DNAJC1: variants seen among roughly 807,000 people sequenced by gnomAD.
DNAJC1 encodes dnaJ homolog subfamily C member 1.
Under a neutral mutation model 76.6 loss-of-function variants are expected in DNAJC1, and 58 were observed. The observed-to-expected ratio is 0.76, with a 90% CI of 0.61 to 0.94. DNAJC1 has a LOEUF of 0.94. Ranked by LOEUF, DNAJC1 falls within the 40% of genes least tolerant of loss-of-function variation. The probability of loss-of-function intolerance (pLI) is 0.00; values close to 1 mark genes in which losing one functional copy is unlikely to be tolerated. For synonymous variants in DNAJC1, 258 were observed against 267.9 expected (o/e 0.96, Z 0.36); for missense variants, 689 against 677.3 (o/e 1.02, Z -0.19).
At chr10:21,839,278 C>CA (rs1348813351) in intron 8 of DNAJC1, among the ~76,000 whole-genome samples, 11 of 152,008 alleles carry the variant, frequency 7.2e-5, no homozygotes, top group African/African-American at 1.9e-4. Context: ...AATAGAGACA[C>CA]AAAAAATCCT....
intron 8 of DNAJC1, among the ~76,000 whole-genome samples, chr10:21,840,372 TCTC>T (rs1186127327): frequency 1.3e-5 from 2 of 152,130 alleles, no homozygotes; most frequent in African/African-American, 4.8e-5. Context: ...CGGCCCAAAA[TCTC>T]CTCAAGCTGA....
intron 9 of DNAJC1, among the ~76,000 whole-genome samples, chr10:21,803,589 CTGTGTGTGTGTG>C (rs113615504): frequency 2.1e-5 from 3 of 140,736 alleles, no homozygotes; most frequent in South Asian, 2.3e-4. Flanking sequence ...GAGTGATTTT[CTGTGTGTGTGTG>C]TGTGTGTGTG....
chr10:21,962,756 A>G (rs1837820762), intron 1 of DNAJC1, among the ~76,000 whole-genome samples: 1 of 149,234 alleles, frequency 6.7e-6, no homozygotes, highest in Non-Finnish European at 1.5e-5. Context: ...TGCATTTAGC[A>G]TTGAAAATCA....
At chr10:21,977,077 T>A (rs143222672) in intron 1 of DNAJC1, among the ~76,000 whole-genome samples, 125 of 152,276 alleles carry the variant, frequency 8.2e-4, no homozygotes, top group African/African-American at 2.6e-3. Flanking sequence ...TACTAAGGCT[T>A]CTTTGTACGT....
chr10:21,952,837 G>A (rs1396960484), intron 1 of DNAJC1, among the ~76,000 whole-genome samples: 3 of 152,144 alleles, frequency 2.0e-5, no homozygotes, highest in Non-Finnish European at 2.9e-5. Flanking sequence ...CTAGGTTCAA[G>A]CAATCCTCCC....
chr10:21,940,530 TAAG>T (rs1590058749), intron 1 of DNAJC1, among the ~76,000 whole-genome samples: 2 of 152,272 alleles, frequency 1.3e-5, no homozygotes, highest in East Asian at 3.9e-4. Context: ...TCTTGACAAA[TAAG>T]AAAATAATTT....
chr10:21,806,251 T>C (rs1834881637), intron 8 of DNAJC1, 152 bp from the exon 9 acceptor site: 2 of 869,756 alleles, frequency 2.3e-6, no homozygotes, highest in East Asian at 2.7e-5. Flanking sequence ...TTGTATCTAA[T>C]AGTTTCAATA....
intron 1 of DNAJC1, among the ~76,000 whole-genome samples, chr10:21,947,573 G>A (rs143515674): frequency 0.016 from 2,429 of 152,170 alleles, 34 homozygotes; most frequent in Non-Finnish European, 0.024. Context: ...TACATATAAC[G>A]TGTTAATTGT....
In DNAJC1 at chr10:21,759,306, T is replaced by C; in HGVS notation, c.1460A>G (p.Lys487Arg). 6.2e-7 allele frequency: 1 copy of C among 1,614,224 alleles called. No individual in the cohort carries two copies. Among genetic ancestry groups the C allele is most frequent in the Non-Finnish European group, 8.5e-7 (1 of 1,180,034 alleles). Residue 487 changes from lysine to arginine, a missense_variant, in exon 11 of 12, where the codon AAA becomes AGA. Physicochemically the swap from Lys to Arg is conservative, Grantham distance 26 (BLOSUM62 2). Coordinates refer to ENST00000376980, the MANE Select transcript of DNAJC1 (RefSeq NM_022365.4). Reference sequence around the variant, plus strand: ...CTCCTCTGCAGACCGAGCTCTCTCTTTTCTCAGGCTCTCCTCGTCGCTGGA... The same window carrying C: ...CTCCTCTGCAGACCGAGCTCTCTCTCTTCTCAGGCTCTCCTCGTCGCTGGA... ...NESSDEESLR[K>R]ERARSAEEPW...
rs1429581567 is a variant in DNAJC1, at chr10:21,813,244, A to ATATATATATATG, written c.979-7146_979-7145insCATATATATATA. Among the ~76,000 whole-genome samples, 60 of 122,892 alleles carry ATATATATATATG rather than the reference A, an allele frequency of 4.9e-4. 11 individuals are homozygous for ATATATATATATG. The highest frequency in any genetic ancestry group is 2.3e-3 in the African/African-American group (56 of 24,750). 80.6% of individuals were successfully genotyped at this position (122,892 alleles called of 152,430 possible). On this transcript the variant is annotated intron_variant, in intron 8 of 11. Transcript: ENST00000376980. ...TCTATATATATATATATATATATAT[A>ATATATATATATG]CACATACAGCTTCTGCCTTGCTCTT...
intron 6 of DNAJC1, among the ~76,000 whole-genome samples, chr10:21,916,178 C>G (rs1300908313): frequency 6.6e-6 from 1 of 152,076 alleles, no homozygotes; most frequent in Non-Finnish European, 1.5e-5. Context: ...CAAGAAACTT[C>G]AATCAGTGGA....
intron 8 of DNAJC1, among the ~76,000 whole-genome samples, chr10:21,860,145 T>C (rs1379370984): frequency 1.3e-5 from 2 of 150,256 alleles, no homozygotes; most frequent in African/African-American, 4.9e-5. Context: ...ATCTTCACTT[T>C]GGTTTATACT....
intron 8 of DNAJC1, among the ~76,000 whole-genome samples, chr10:21,851,826 G>T (rs577574100): frequency 2.9e-4 from 44 of 151,964 alleles, no homozygotes; most frequent in Non-Finnish European, 3.5e-4. Flanking sequence ...AGGCCGAGAC[G>T]GGTGGATCAC....
chr10:21,883,251 AACAC>A (rs3032395), intron 7 of DNAJC1, among the ~76,000 whole-genome samples: 2,814 of 128,978 alleles, frequency 0.022, 48 homozygotes, highest in Middle Eastern at 0.044. Flanking sequence ...TTCTATCTCA[AACAC>A]ACACACACAC....
intron 6 of DNAJC1, among the ~76,000 whole-genome samples, chr10:21,918,477 GATA>G (rs1836989565): frequency 6.8e-6 from 1 of 148,100 alleles, no homozygotes; most frequent in Non-Finnish European, 1.5e-5. Context: ...TGCTTTTAAT[GATA>G]ACAGTGGATT....
chr10:21,771,221 A>G (rs577828159), intron 9 of DNAJC1, among the ~76,000 whole-genome samples: 2 of 152,268 alleles, frequency 1.3e-5, no homozygotes, highest in African/African-American at 4.8e-5. Flanking sequence ...TCTATATATA[A>G]AATCATGCCA....
chr10:21,981,231 C>G (rs1283845590), intron 1 of DNAJC1, among the ~76,000 whole-genome samples: 2 of 152,022 alleles, frequency 1.3e-5, no homozygotes, highest in Admixed American at 1.3e-4. Context: ...TACATTTTTC[C>G]CTGATTACTT....
intron 1 of DNAJC1, among the ~76,000 whole-genome samples, chr10:21,983,125 A>C (rs886314704): frequency 6.6e-6 from 1 of 152,238 alleles, no homozygotes; most frequent in African/African-American, 2.4e-5. Context: ...TATACCTAAA[A>C]GAATTGAAAG....
At chr10:21,914,594 TTATAA>T (rs1836922176) in intron 6 of DNAJC1, among the ~76,000 whole-genome samples, 1 of 152,152 alleles carries the variant, frequency 6.6e-6, no homozygotes, top group African/African-American at 2.4e-5. Flanking sequence ...GATTTACCTG[TTATAA>T]TATAAATTCC....
Sources: gnomAD v4.1 joint callset for allele counts (sites outside exome capture counted in the v4.1 genomes callset) on GRCh38, gnomAD v4.1.1 for gene constraint, MANE v1.5 for transcripts, NCBI Gene and HGNC (gene_info 2026-07-23, HGNC 2026-07-21) for gene names.